Variants in CACNB4 observed in about 807,000 individuals in gnomAD.
The protein encoded by CACNB4 is calcium voltage-gated channel auxiliary subunit beta 4.
A neutral mutation model predicts 71.2 loss-of-function variants in CACNB4; 32 were observed. That is an observed-to-expected ratio of 0.45 (90% CI 0.34 to 0.60). The LOEUF (loss-of-function observed/expected upper bound fraction) is 0.60. Ranked by LOEUF, CACNB4 falls within the 20% of genes least tolerant of loss-of-function variation. The pLI is 0.01. For missense variants in CACNB4, 464 were observed against 647.9 expected, an observed-to-expected ratio of 0.72 and a Z score of 3.08; for synonymous variants, 231 against 236.9, an observed-to-expected ratio of 0.97 and a Z score of 0.23.
At chr2:151,874,382 C>T (rs1226389835) in intron 5 of CACNB4, among the ~76,000 whole-genome samples, 1 of 151,248 alleles carries the variant, frequency 6.6e-6, no homozygotes, top group Non-Finnish European at 1.5e-5. Context: ...TCAGGAGAAT[C>T]GCTTGAACCT....
At chr2:152,029,945 C>T (rs775177857) in intron 2 of CACNB4, among the ~76,000 whole-genome samples, 7 of 152,176 alleles carry the variant, frequency 4.6e-5, no homozygotes, top group Non-Finnish European at 8.8e-5. Context: ...ACCTGGTCTA[C>T]AGTATTTTGT....
intron 2 of CACNB4, among the ~76,000 whole-genome samples, chr2:152,009,016 T>G (rs534212414): frequency 6.6e-6 from 1 of 152,110 alleles, no homozygotes; most frequent in East Asian, 1.9e-4. Context: ...ACCACCACCA[T>G]CAGGCCTTTA....
chr2:151,857,092 T>G (rs938132939), intron 10 of CACNB4: 1 of 152,158 alleles, frequency 6.6e-6, no homozygotes, highest in African/African-American at 2.4e-5. Context: ...TGTGATTTGC[T>G]TTGCTTATTT....
chr2:151,997,202 C>G (rs192691437), intron 2 of CACNB4, among the ~76,000 whole-genome samples: 35 of 152,254 alleles, frequency 2.3e-4, no homozygotes, highest in African/African-American at 7.9e-4. Context: ...TCCTGGATTA[C>G]TTGAATGGGT....
At position 151,861,852 on chromosome 2, in the gene CACNB4, A is replaced by AAAAAAAAAAAAAAAAAAAAC. The variant is rs1559883027; in HGVS notation, c.759-1033_759-1032insGTTTTTTTTTTTTTTTTTTT. On this transcript the variant is annotated intron_variant, in intron 9 of 13. Coordinates refer to ENST00000539935, the MANE Select transcript of CACNB4 (RefSeq NM_000726.5). The stretch of plus-strand genomic sequence containing the variant: ...GGTGAGACCCTGTCTCAAAAAAAAA[A>AAAAAAAAAAAAAAAAAAAAC]AAAAAACTGAAGAATAAAGCAAAGA... 2.1e-3 allele frequency: 309 copies of AAAAAAAAAAAAAAAAAAAAC among 146,570 alleles called. 5 individuals are homozygous for AAAAAAAAAAAAAAAAAAAAC. The highest frequency in any genetic ancestry group is 7.8e-3 in the African/African-American group (298 of 38,170). The allele number at this position is 146,570 out of a possible 1,614,324, so 9.1% of individuals were successfully genotyped here. A position where few individuals can be genotyped will look rare whatever the true frequency, so the allele number is the denominator to read the frequency against.
chr2:151,848,887 T>C (rs143153901), intron 12 of CACNB4, among the ~76,000 whole-genome samples: 5 of 152,294 alleles, frequency 3.3e-5, no homozygotes, highest in East Asian at 3.9e-4. Flanking sequence ...TTAAAAAACA[T>C]ACTATTTTCA....
At chr2:152,095,886 C>T (rs1175780420) in intron 2 of CACNB4, among the ~76,000 whole-genome samples, 2 of 152,148 alleles carry the variant, frequency 1.3e-5, no homozygotes, top group African/African-American at 4.8e-5. Context: ...CTCCTGACCT[C>T]AAGTGATCCG....
chr2:151,941,539 C>T (rs570487965), intron 2 of CACNB4, among the ~76,000 whole-genome samples: 2 of 152,068 alleles, frequency 1.3e-5, no homozygotes, highest in East Asian at 1.9e-4. Flanking sequence ...ACCTCAGCCT[C>T]CCAAAGTGCT....
chr2:151,870,680 A>G, intron 7 of CACNB4, 69 bp from the exon 8 acceptor site: 1 of 1,331,768 alleles, frequency 7.5e-7, no homozygotes, highest in Non-Finnish European at 1.1e-6. Context: ...CACAACATTC[A>G]TAATTTCATA....
At chr2:151,851,676 AATT>A (rs1559865525) in intron 12 of CACNB4, 1 of 152,250 alleles carries the variant, frequency 6.6e-6, no homozygotes, top group Non-Finnish European at 1.5e-5. Flanking sequence ...TTTCTCTAGT[AATT>A]ATTAGAATAA....
rs191764575 is a variant in CACNB4, at chr2:152,037,077, C to T, written c.147+61253G>A. ...CGCATGTAGACCATTTCCACACTTGCGGCTCAGGCCAGTTGATTCTTGCGG... is the reference window on the plus strand; with the variant it reads ...CGCATGTAGACCATTTCCACACTTGTGGCTCAGGCCAGTTGATTCTTGCGG... On this transcript the variant is annotated intron_variant, in intron 2 of 13. Coordinates refer to ENST00000539935, the MANE Select transcript of CACNB4 (RefSeq NM_000726.5). Among the ~76,000 whole-genome samples the T allele has an allele frequency of 3.4e-3, 520 of 152,338 alleles. 4 individuals are homozygous for T. Among genetic ancestry groups the T allele is most frequent in the Non-Finnish European group, 5.3e-3 (362 of 68,038 alleles).
chr2:152,084,657 T>C (rs1404442719), intron 2 of CACNB4, among the ~76,000 whole-genome samples: 1 of 152,200 alleles, frequency 6.6e-6, no homozygotes, highest in Non-Finnish European at 1.5e-5. Context: ...TCAACCAGGC[T>C]GGAGTGCAGT....
In CACNB4 at chr2:152,053,020, T is replaced by C. The variant is rs984038770; in HGVS notation, c.147+45310A>G. Among the ~76,000 whole-genome samples, 4 of 152,004 alleles carry C rather than the reference T, an allele frequency of 2.6e-5. No individual in the cohort carries two copies. The South Asian group carries it at 8.3e-4, about 32-fold the overall frequency. On this transcript the variant is annotated intron_variant, in intron 2 of 13. Transcript: ENST00000539935. Reference sequence around the variant, plus strand: ...TATCATATATGATAGTGAGATATAATAAGAGACATATATTTTGTCTCTGCC... The same window carrying C: ...TATCATATATGATAGTGAGATATAACAAGAGACATATATTTTGTCTCTGCC...
At chr2:151,886,067 C>T (rs1281834600) in intron 2 of CACNB4, among the ~76,000 whole-genome samples, 1 of 152,120 alleles carries the variant, frequency 6.6e-6, no homozygotes, top group East Asian at 1.9e-4. Context: ...CCTGCCTCGG[C>T]CTCCCAAAGT....
chr2:151,877,692 A>G (rs1461404275), intron 4 of CACNB4, among the ~76,000 whole-genome samples: 4 of 152,220 alleles, frequency 2.6e-5, no homozygotes, highest in Admixed American at 6.5e-5. Context: ...AGATGCCTAC[A>G]CTTACAAAGT....
At position 151,982,103 on chromosome 2, in the gene CACNB4, C is replaced by T. The variant is rs536141220; in HGVS notation, c.148-98733G>A. Among the ~76,000 whole-genome samples the T allele has an allele frequency of 4.6e-5, 7 of 152,226 alleles. 1 individual carries two copies. The highest frequency in any genetic ancestry group is 1.7e-4 in the African/African-American group (7 of 41,510). On this transcript the variant is annotated intron_variant, in intron 2 of 13. Coordinates refer to ENST00000539935, the MANE Select transcript of CACNB4 (RefSeq NM_000726.5). ...TTGGGTGCACACTGCTGAACTTTGA[C>T]CTCTCTATTATTCTAGGTGGCAGAG...
At chr2:152,026,751 A>G (rs1484502191) in intron 2 of CACNB4, among the ~76,000 whole-genome samples, 1 of 151,994 alleles carries the variant, frequency 6.6e-6, no homozygotes, top group East Asian at 1.9e-4. Context: ...CAATCTTTCC[A>G]TTCTCTCTTG....
chr2:152,037,966 A>G (rs973660347), intron 2 of CACNB4, among the ~76,000 whole-genome samples: 1 of 152,220 alleles, frequency 6.6e-6, no homozygotes, highest in African/African-American at 2.4e-5. Flanking sequence ...TGGATGCAGA[A>G]GGGAACCACC....
At chr2:151,847,047 C>T (rs1559857378) in intron 12 of CACNB4, among the ~76,000 whole-genome samples, 2 of 147,350 alleles carry the variant, frequency 1.4e-5, no homozygotes, top group African/African-American at 5.1e-5. Flanking sequence ...TATGGGTGAG[C>T]ACACTTTTAT....
Sources: allele counts gnomAD v4.1 joint callset (sites outside exome capture counted in the v4.1 genomes callset), GRCh38; gene constraint gnomAD v4.1.1; transcripts MANE v1.5; gene names NCBI Gene and HGNC (gene_info 2026-07-23, HGNC 2026-07-21).